Variants in RANBP2 observed in about 807,000 individuals in gnomAD.
RANBP2 encodes the protein E3 SUMO-protein ligase RanBP2.
RANBP2 carries 57 observed loss-of-function variants against 303.6 expected under a neutral mutation model. The observed-to-expected ratio is 0.19, with a 90% CI of 0.15 to 0.23. The LOEUF (loss-of-function observed/expected upper bound fraction) is 0.23, where lower values mean the gene tolerates loss of function less well. Ranked by LOEUF, RANBP2 falls within the 10% of genes least tolerant of loss-of-function variation. The pLI is 1.00. For synonymous variants in RANBP2, 1,167 were observed against 1,301.5 expected (o/e 0.90, Z 2.23); for missense variants, 3,138 against 3,780.8 (o/e 0.83, Z 4.46).
the RANBP2 span, among the ~76,000 whole-genome samples, chr2:109,170,311 T>TCTCTC: frequency 7.8e-4 from 100 of 128,454 alleles, no homozygotes; most frequent in Non-Finnish European, 1.1e-3. Flanking sequence ...TCTCTTCTCT[T>TCTCTC]CTCTCCTCTC....
At chr2:109,111,523 C>T in the RANBP2 span, among the ~76,000 whole-genome samples, 1 of 151,996 alleles carries the variant, frequency 6.6e-6, no homozygotes, top group Admixed American at 6.6e-5. Flanking sequence ...TCTCCTTCAG[C>T]ATTTCAGCAG....
At chr2:109,339,811 T>C in the RANBP2 span, among the ~76,000 whole-genome samples, 2 of 152,164 alleles carry the variant, frequency 1.3e-5, no homozygotes, top group African/African-American at 4.8e-5. Flanking sequence ...ATTGGATAAA[T>C]GTAAACAGAT....
the RANBP2 span, among the ~76,000 whole-genome samples, chr2:109,207,051 T>C: frequency 6.6e-6 from 1 of 152,136 alleles, no homozygotes; most frequent in Non-Finnish European, 1.5e-5. Context: ...AACCTGACCA[T>C]GCTCATTTGG....
the RANBP2 span, chr2:109,490,471 T>C: frequency 3.9e-6 from 3 of 776,224 alleles, no homozygotes; most frequent in Admixed American, 3.6e-5. Flanking sequence ...CTGTGAGTGG[T>C]AAAGTCTTTT....
At chr2:109,181,956 C>T in the RANBP2 span, among the ~76,000 whole-genome samples, 1 of 152,142 alleles carries the variant, frequency 6.6e-6, no homozygotes, top group African/African-American at 2.4e-5. Context: ...GAATGAGCAA[C>T]CAAAGGCCAG....
chr2:109,209,290 C>T, the RANBP2 span, among the ~76,000 whole-genome samples: 142 of 152,210 alleles, frequency 9.3e-4, no homozygotes, highest in African/African-American at 3.3e-3. Flanking sequence ...CCAGGTCCTG[C>T]GCGGGTGATT....
At chr2:109,236,127 A>G in the RANBP2 span, among the ~76,000 whole-genome samples, 1 of 152,192 alleles carries the variant, frequency 6.6e-6, no homozygotes, top group Non-Finnish European at 1.5e-5. Flanking sequence ...CTCCAAGATC[A>G]ATAGTTTATT....
the RANBP2 span, among the ~76,000 whole-genome samples, chr2:109,057,766 C>G: frequency 1.3e-5 from 2 of 152,216 alleles, no homozygotes; most frequent in Non-Finnish European, 2.9e-5. Context: ...CTTCCTTCGC[C>G]CCGCCCCGGG....
chr2:109,279,891 A>G, the RANBP2 span, among the ~76,000 whole-genome samples: 3 of 151,202 alleles, frequency 2.0e-5, no homozygotes, highest in Admixed American at 1.3e-4. Context: ...GGGGTGAGAG[A>G]GGACAAGGGA....
At chr2:108,970,351 A>T in the RANBP2 span, among the ~76,000 whole-genome samples, 3 of 152,218 alleles carry the variant, frequency 2.0e-5, no homozygotes, top group Non-Finnish European at 4.4e-5. Flanking sequence ...ATTAATCTGC[A>T]AATGGTGTGT....
the RANBP2 span, among the ~76,000 whole-genome samples, chr2:108,995,778 C>T: frequency 7.9e-5 from 12 of 152,192 alleles, no homozygotes; most frequent in African/African-American, 1.9e-4. Context: ...CCTTTCCATG[C>T]GTCCCCTTTG....
chr2:109,076,947 AAAG>A, the RANBP2 span, among the ~76,000 whole-genome samples: 2 of 150,726 alleles, frequency 1.3e-5, no homozygotes, highest in Non-Finnish European at 3.0e-5. Context: ...CAATCTGGAG[AAAG>A]AAGAAGAAAG....
At chr2:108,939,614 G>C in the RANBP2 span, among the ~76,000 whole-genome samples, 1 of 152,082 alleles carries the variant, frequency 6.6e-6, no homozygotes, top group Non-Finnish European at 1.5e-5. Flanking sequence ...TGTCCCGTTA[G>C]GAAGTGCAGT....
the RANBP2 span, among the ~76,000 whole-genome samples, chr2:108,857,720 G>A: frequency 6.6e-6 from 1 of 152,160 alleles, no homozygotes; most frequent in Non-Finnish European, 1.5e-5. Flanking sequence ...CTAATGTAAG[G>A]AGTAGAATGA....
the RANBP2 span, among the ~76,000 whole-genome samples, chr2:109,411,134 C>A: frequency 1.3e-5 from 2 of 152,212 alleles, no homozygotes; most frequent in Admixed American, 6.5e-5. Flanking sequence ...GCAAGGAGCC[C>A]TCAAGTCCCT....
Position 108,763,887 on chromosome 2 carries a change from G to T in RANBP2, c.3348G>T (p.Gly1116=). The change falls in exon 20 of 29, where the codon GGG becomes GGT. Residue 1116 remains glycine (G), a synonymous_variant. Coordinates refer to ENST00000283195, the MANE Select transcript of RANBP2 (RefSeq NM_006267.5). The part of the protein sequence containing the change: ...VSGISFTENM[G]SSQQKNSGFR... ...GAATTTCATTTACAGAAAACATGGG[G>T]TCGAGTCAGCAAAAGAATTCTGGTT... is the stretch of plus-strand genomic sequence containing the variant. 1.2e-6 allele frequency: 2 copies of T among 1,613,896 alleles called. No individual in the cohort carries two copies. Among genetic ancestry groups the T allele is most frequent in the Non-Finnish European group, 1.7e-6 (2 of 1,179,978 alleles).
chr2:109,567,957 A>G, the RANBP2 span: 5 of 1,611,546 alleles, frequency 3.1e-6, no homozygotes, highest in Middle Eastern at 1.7e-4. Flanking sequence ...TGCTTTGGCA[A>G]TCACTGGTAT....
chr2:109,614,614 T>C, the RANBP2 span: 29 of 1,459,296 alleles, frequency 2.0e-5, no homozygotes, highest in East Asian at 7.9e-4. Flanking sequence ...AGGGGCGCCC[T>C]AGGCGGCGAA....
chr2:109,103,332 G>A, the RANBP2 span, among the ~76,000 whole-genome samples: 3 of 152,222 alleles, frequency 2.0e-5, no homozygotes, highest in African/African-American at 2.4e-5. Flanking sequence ...TCCTGAGAAC[G>A]TGTGCCCAAT....
Sources: gnomAD v4.1 joint callset for allele counts (sites outside exome capture counted in the v4.1 genomes callset) on GRCh38, gnomAD v4.1.1 for gene constraint, MANE v1.5 for transcripts, NCBI Gene and HGNC (gene_info 2026-07-23, HGNC 2026-07-21) for gene names.